The following NRXN3 variants were observed in gnomAD, a reference collection of about 807,000 sequenced individuals.
NRXN3 encodes neurexin 3, also known as neurexin III.
A neutral mutation model predicts 137.6 loss-of-function variants in NRXN3; 32 were observed. The observed-to-expected ratio is 0.23, with a 90% CI of 0.18 to 0.31. The LOEUF (loss-of-function observed/expected upper bound fraction) is 0.31. Ranked by LOEUF, NRXN3 falls within the 10% of genes least tolerant of loss-of-function variation. NRXN3 has a pLI of 1.00. For missense variants in NRXN3, 1,574 were observed against 2,062.5 expected, an observed-to-expected ratio of 0.76 and a Z score of 4.59; for synonymous variants, 798 against 784.5, an observed-to-expected ratio of 1.02 and a Z score of -0.29.
chr14:79,352,168 T>C (rs149836532), intron 15 of NRXN3, among the ~76,000 whole-genome samples: 2 of 152,288 alleles, frequency 1.3e-5, no homozygotes, highest in African/African-American at 4.8e-5. Flanking sequence ...AACAGCTCCT[T>C]CTGCATGCTT....
At chr14:78,475,243 T>C (rs886439185) in intron 4 of NRXN3, among the ~76,000 whole-genome samples, 3 of 142,076 alleles carry the variant, frequency 2.1e-5, no homozygotes, top group African/African-American at 7.8e-5. Context: ...CCCTTTCAGA[T>C]GATAAGCTCT....
chr14:79,700,639 C>A (rs915476278), intron 19 of NRXN3, among the ~76,000 whole-genome samples: 7 of 152,046 alleles, frequency 4.6e-5, no homozygotes, highest in African/African-American at 1.7e-4. Context: ...GTGTTGATTT[C>A]AGATCAAAGG....
At chr14:79,513,196 T>C (rs1457250571) in intron 16 of NRXN3, among the ~76,000 whole-genome samples, 2 of 152,232 alleles carry the variant, frequency 1.3e-5, no homozygotes, top group African/African-American at 2.4e-5. Context: ...TGGAAAGCTA[T>C]CTTTTGCAAC....
chr14:78,652,351 G>A (rs1601910807), intron 6 of NRXN3, among the ~76,000 whole-genome samples: 1 of 152,200 alleles, frequency 6.6e-6, no homozygotes, highest in African/African-American at 2.4e-5. Flanking sequence ...CTTTCTGAGA[G>A]CAAAGGAGCT....
rs78570143 is a variant in NRXN3 at position 78,813,447 on chromosome 14, C to G, written c.2275+3103C>G. On this transcript the variant is annotated intron_variant, in intron 10 of 20. Coordinates refer to ENST00000335750, the MANE Select transcript of NRXN3 (RefSeq NM_001330195.2). ...TGAGGGAGAGGAGGTTTTCCCTGAG[C>G]CTTACCTCTTGCTGCTATTTCAATA... Among the ~76,000 whole-genome samples, 2,576 of 152,200 alleles carry G rather than the reference C, an allele frequency of 0.017. 123 individuals carry two copies. The East Asian group carries it at 0.19, about 11-fold the overall frequency.
At chr14:78,934,351 A>G (rs903721798) in intron 10 of NRXN3, among the ~76,000 whole-genome samples, 1 of 152,104 alleles carries the variant, frequency 6.6e-6, no homozygotes, top group African/African-American at 2.4e-5. Context: ...TTCCCAGACA[A>G]TGCTTCCAGC....
At chr14:79,815,067 T>G (rs2099247574) in intron 20 of NRXN3, among the ~76,000 whole-genome samples, 2 of 152,140 alleles carry the variant, frequency 1.3e-5, no homozygotes, top group Non-Finnish European at 2.9e-5. Context: ...CTTTTCCCAT[T>G]CCAGAGAACA....
chr14:79,199,040 G>A (rs924734552), intron 15 of NRXN3, among the ~76,000 whole-genome samples: 2 of 152,034 alleles, frequency 1.3e-5, no homozygotes, highest in Non-Finnish European at 2.9e-5. Context: ...GGTGACATGC[G>A]CCTGTAGTCC....
intron 19 of NRXN3, among the ~76,000 whole-genome samples, chr14:79,773,985 A>T (rs1270431832): frequency 6.6e-6 from 1 of 152,076 alleles, no homozygotes; most frequent in African/African-American, 2.4e-5. Context: ...TAAATACTTT[A>T]TATGTGTCCC....
At chr14:79,492,975 C>A (rs541339677) in intron 16 of NRXN3, among the ~76,000 whole-genome samples, 1 of 152,244 alleles carries the variant, frequency 6.6e-6, no homozygotes, top group African/African-American at 2.4e-5. Context: ...CAAAAACATG[C>A]CCAACAGGAA....
chr14:78,950,993 C>T (rs2099386053), intron 10 of NRXN3, among the ~76,000 whole-genome samples: 1 of 152,160 alleles, frequency 6.6e-6, no homozygotes, highest in Non-Finnish European at 1.5e-5. Context: ...TAGGAATCAA[C>T]ACTGATTTCT....
At position 79,756,943 on chromosome 14, in the gene NRXN3, C is replaced by G. The variant is rs915054631; in HGVS notation, c.4015-48169C>G. 3.9e-5 allele frequency among the ~76,000 whole-genome samples: 6 copies of G among 152,258 alleles called. No individual in the cohort carries two copies. In the East Asian group the frequency reaches 1.2e-3, roughly 29 times the overall value. ...TGAGTGGTCAGCAGATGTTTTGTGC[C>G]TCTGCTGTATTCCTTAGCTAAGGGT... On this transcript the variant is annotated intron_variant, in intron 19 of 20. Transcript: ENST00000335750.
intron 15 of NRXN3, among the ~76,000 whole-genome samples, chr14:79,201,813 C>A (rs2066052668): frequency 6.6e-6 from 1 of 152,182 alleles, no homozygotes; most frequent in South Asian, 2.1e-4. Flanking sequence ...TAGCATTGAC[C>A]TTTTGCCAGG....
At chr14:79,509,090 A>G (rs1392992265) in intron 16 of NRXN3, among the ~76,000 whole-genome samples, 5 of 152,040 alleles carry the variant, frequency 3.3e-5, no homozygotes, top group Non-Finnish European at 7.4e-5. Flanking sequence ...AGCTAGTCAG[A>G]TGGCTGAGGC....
intron 16 of NRXN3, among the ~76,000 whole-genome samples, chr14:79,595,266 T>C (rs959925137): frequency 6.6e-6 from 1 of 152,170 alleles, no homozygotes; most frequent in Non-Finnish European, 1.5e-5. Flanking sequence ...TTGTGGACAA[T>C]CATCAAAAGA....
intron 17 of NRXN3, among the ~76,000 whole-genome samples, chr14:79,674,763 G>T (rs1466293056): frequency 6.6e-6 from 1 of 152,028 alleles, no homozygotes; most frequent in East Asian, 1.9e-4. Context: ...ATGTGCTTCT[G>T]CCTGATGCAC....
chr14:78,751,176 G>A (rs566254676), intron 8 of NRXN3, among the ~76,000 whole-genome samples: 1 of 152,252 alleles, frequency 6.6e-6, no homozygotes, highest in Non-Finnish European at 1.5e-5. Context: ...TCTGCATTAT[G>A]GTTCTCTGTA....
chr14:78,518,373 A>T (rs762506770), intron 4 of NRXN3, among the ~76,000 whole-genome samples: 1 of 152,182 alleles, frequency 6.6e-6, no homozygotes, highest in Middle Eastern at 3.4e-3. Flanking sequence ...TGTCATTTAA[A>T]TTTCTCTCTA....
At chr14:79,175,281 A>G (rs2062214950) in intron 15 of NRXN3, among the ~76,000 whole-genome samples, 1 of 152,198 alleles carries the variant, frequency 6.6e-6, no homozygotes, top group Non-Finnish European at 1.5e-5. Context: ...TGCCCAGCCC[A>G]GATTTCTTTT....
Sources: allele counts gnomAD v4.1 joint callset (sites outside exome capture counted in the v4.1 genomes callset), GRCh38; gene constraint gnomAD v4.1.1; transcripts MANE v1.5; gene names NCBI Gene and HGNC (gene_info 2026-07-23, HGNC 2026-07-21).